The following SSBP3 variants were observed in gnomAD, a reference collection of about 807,000 sequenced individuals.
SSBP3 encodes single stranded DNA binding protein 3.
In SSBP3, 5 loss-of-function variants were observed where a neutral mutation model predicts 69.6. The ratio of observed to expected loss-of-function variants is 0.07; its 90% CI spans 0.04 to 0.15. The LOEUF is 0.15. Among genes scored for constraint, SSBP3 ranks in the 10% least tolerant of loss-of-function variants. SSBP3 has a pLI of 1.00. For synonymous variants in SSBP3, 196 were observed against 193.4 expected, an observed-to-expected ratio of 1.01 and a Z score of -0.11; for missense variants, 312 against 534.0, an observed-to-expected ratio of 0.58 and a Z score of 4.10.
At chr1:54,275,888 A>T (rs1645275020) in intron 5 of SSBP3, among the ~76,000 whole-genome samples, 1 of 152,174 alleles carries the variant, frequency 6.6e-6, no homozygotes, top group Non-Finnish European at 1.5e-5. Context: ...GAGAAACCCC[A>T]GCTACTTCTG....
chr1:54,257,279 A>T (rs1301271463), intron 6 of SSBP3, 93 bp from the exon 7 acceptor site: 4 of 1,118,574 alleles, frequency 3.6e-6, no homozygotes, highest in Non-Finnish European at 5.0e-6. Flanking sequence ...CAGTTTTGTT[A>T]TAACTAGTGA....
intron 9 of SSBP3, among the ~76,000 whole-genome samples, chr1:54,249,727 TAATA>T (rs1644794783): frequency 6.7e-6 from 1 of 150,338 alleles, no homozygotes; most frequent in Non-Finnish European, 1.5e-5. Flanking sequence ...AAAAAACTTT[TAATA>T]AAAAATATTT....
intron 4 of SSBP3, among the ~76,000 whole-genome samples, chr1:54,362,207 TCTC>T (rs1224810220): frequency 1.3e-5 from 2 of 152,278 alleles, no homozygotes; most frequent in East Asian, 3.9e-4. Context: ...TATTCATTCA[TCTC>T]CTCATGCTAG....
intron 4 of SSBP3, among the ~76,000 whole-genome samples, chr1:54,283,451 G>A (rs1444357984): frequency 6.6e-6 from 1 of 152,126 alleles, no homozygotes; most frequent in Non-Finnish European, 1.5e-5. Flanking sequence ...GATGACTGTG[G>A]GCAAGCCACT....
chr1:54,337,969 T>G (rs1646539879), intron 4 of SSBP3, among the ~76,000 whole-genome samples: 1 of 152,190 alleles, frequency 6.6e-6, no homozygotes, highest in Admixed American at 6.5e-5. Flanking sequence ...ATCTCTATCT[T>G]TTAATTTATT....
chr1:54,246,424 C>G (rs893769191), intron 9 of SSBP3, among the ~76,000 whole-genome samples: 1 of 152,208 alleles, frequency 6.6e-6, no homozygotes, highest in African/African-American at 2.4e-5. Context: ...TTTTCCAGGA[C>G]TGCAGCCGCC....
chr1:54,387,457 C>T (rs114423997), intron 4 of SSBP3, among the ~76,000 whole-genome samples: 4 of 152,098 alleles, frequency 2.6e-5, no homozygotes, highest in African/African-American at 7.2e-5. Flanking sequence ...AGGGCCTTCT[C>T]GGATTATTTT....
chr1:54,329,483 C>G (rs1037473078), intron 4 of SSBP3, among the ~76,000 whole-genome samples: 6 of 152,186 alleles, frequency 3.9e-5, no homozygotes, highest in Non-Finnish European at 2.9e-5. Flanking sequence ...TGATTGTGTA[C>G]TGGGAGGAGG....
chr1:54,410,322 A>G (rs1312997663), upstream of SSBP3, among the ~76,000 whole-genome samples: 1 of 152,216 alleles, frequency 6.6e-6, no homozygotes, highest in Non-Finnish European at 1.5e-5. Flanking sequence ...GTTGGGGTCC[A>G]GGCCTCCAGA....
At chr1:54,402,448 T>C (rs977284907) in intron 3 of SSBP3, among the ~76,000 whole-genome samples, 3 of 152,318 alleles carry the variant, frequency 2.0e-5, no homozygotes, top group South Asian at 2.1e-4. Context: ...ATGCCGCGAT[T>C]TGGAAGACTC....
At chr1:54,397,081 G>T (rs1377124475) in intron 4 of SSBP3, among the ~76,000 whole-genome samples, 1 of 152,230 alleles carries the variant, frequency 6.6e-6, no homozygotes, top group Non-Finnish European at 1.5e-5. Flanking sequence ...AAAGAAGTGT[G>T]TATGTTTTGT....
intron 9 of SSBP3, among the ~76,000 whole-genome samples, chr1:54,244,567 A>C (rs1644701427): frequency 6.6e-6 from 1 of 152,354 alleles, no homozygotes; most frequent in Admixed American, 6.5e-5. Context: ...AGAAAAGTCT[A>C]CACAGAACTC....
intron 4 of SSBP3, among the ~76,000 whole-genome samples, chr1:54,400,089 C>T (rs1488129633): frequency 6.6e-6 from 1 of 152,228 alleles, no homozygotes; most frequent in Non-Finnish European, 1.5e-5. Context: ...TGCCATTCCT[C>T]AGCAAATTAC....
chr1:54,350,933 T>C (rs1467927435), intron 4 of SSBP3, among the ~76,000 whole-genome samples: 2 of 151,918 alleles, frequency 1.3e-5, no homozygotes, highest in African/African-American at 4.8e-5. Context: ...TCAGCAATCC[T>C]CCAACCTCAG....
At chr1:54,366,128 A>G (rs3855975) in intron 4 of SSBP3, among the ~76,000 whole-genome samples, 95,665 of 151,972 alleles carry the variant, frequency 0.63, 31,297 homozygotes, top group African/African-American at 0.82. Flanking sequence ...TCCCTCTGTG[A>G]GTTAACTGCT....
chr1:54,401,847 A>T lies in SSBP3; in HGVS notation c.276+14T>A. The T allele has an allele frequency of 6.2e-7, 1 of 1,608,304 alleles. No individual in the cohort carries two copies. Among genetic ancestry groups the T allele is most frequent in the Non-Finnish European group, 8.5e-7 (1 of 1,174,996 alleles). Reference sequence around the variant, plus strand: ...CCCTATAATTATTGCTAGGATTAAAAATATGTTACTCACATAATCATGAAA... The same window carrying T: ...CCCTATAATTATTGCTAGGATTAAATATATGTTACTCACATAATCATGAAA... On this transcript the variant is annotated intron_variant, in intron 4 of 17. Transcript: ENST00000610401.
chr1:54,406,079 G>C (rs1219677788), exon 1 of SSBP3: 1 of 1,224,360 alleles, frequency 8.2e-7, no homozygotes, highest in Non-Finnish European at 1.1e-6. Context: ...CGGCTCTCCC[G>C]AGCTGCCCCT....
intron 4 of SSBP3, among the ~76,000 whole-genome samples, chr1:54,289,750 G>A (rs1269252913): frequency 6.6e-6 from 1 of 152,036 alleles, no homozygotes; most frequent in Non-Finnish European, 1.5e-5. Flanking sequence ...AGGGCCTCCT[G>A]ACAGCCTTTC....
upstream of SSBP3, among the ~76,000 whole-genome samples, chr1:54,407,034 TG>T (rs1649831286): frequency 6.6e-6 from 1 of 151,784 alleles, no homozygotes; most frequent in Non-Finnish European, 1.5e-5. Flanking sequence ...CGCTGAGAGC[TG>T]GGCGGCTCGA....
Sources: allele counts gnomAD v4.1 joint callset (sites outside exome capture counted in the v4.1 genomes callset), GRCh38; gene constraint gnomAD v4.1.1; transcripts MANE v1.5; gene names NCBI Gene and HGNC (gene_info 2026-07-23, HGNC 2026-07-21).